The following GIGYF2 variants were observed in gnomAD, a reference collection of about 807,000 sequenced individuals.
GIGYF2 encodes GRB10 interacting GYF protein 2.
A neutral mutation model predicts 208.1 loss-of-function variants in GIGYF2; 25 were observed. The observed-to-expected ratio is 0.12, with a 90% CI of 0.09 to 0.17. GIGYF2 has a LOEUF of 0.17. GIGYF2 is among the 10% of genes least tolerant of loss of function. GIGYF2 has a pLI of 1.00. For synonymous variants in GIGYF2, 534 were observed against 543.8 expected (o/e 0.98, Z 0.25); for missense variants, 1,302 against 1,579.4 (o/e 0.82, Z 2.98).
chr2:232,860,498 A>C lies in GIGYF2; in HGVS notation c.*3638A>C, dbSNP rs1392906479. 6.6e-6 allele frequency: 1 copy of C among 151,424 alleles called. No homozygotes were observed. The highest frequency in any genetic ancestry group is 1.5e-5 in the Non-Finnish European group (1 of 67,914). 9.4% of individuals were successfully genotyped at this position (151,424 alleles called of 1,614,324 possible). A position where few individuals can be genotyped will look rare whatever the true frequency, so the allele number is the denominator to read the frequency against. ...TATATATATTGCACCCTACTTTAAA[A>C]TTGACTGATAACAAAATTGGTAATT... is the stretch of plus-strand genomic sequence containing the variant. On this transcript the variant is annotated 3_prime_UTR_variant, in exon 29 of 29. Transcript: ENST00000373563.
intron 28 of GIGYF2, among the ~76,000 whole-genome samples, chr2:232,851,141 C>T (rs1004724932): frequency 1.3e-5 from 2 of 152,008 alleles, no homozygotes; most frequent in South Asian, 2.1e-4. Context: ...GGTAACGTAG[C>T]GAGACCATAT....
chr2:232,797,981 CAAAAAAAAAAAAAAAA>C (rs57991158), intron 14 of GIGYF2, among the ~76,000 whole-genome samples: 1 of 102,384 alleles, frequency 9.8e-6, no homozygotes, highest in Non-Finnish European at 2.1e-5. Context: ...ACTGTGCCTC[CAAAAAAAAAAAAAAAA>C]AAAAAAAAAA....
At chr2:232,815,787 CAT>C (rs764786929) in intron 19 of GIGYF2, 50 bp downstream of exon 19, 21 of 934,182 alleles carry the variant, frequency 2.2e-5, no homozygotes, top group Non-Finnish European at 3.4e-5. Context: ...GGCTGCAGGA[CAT>C]AAACATTGCT....
chr2:232,712,728 C>A (rs888014757), intron 2 of GIGYF2, among the ~76,000 whole-genome samples: 1 of 152,026 alleles, frequency 6.6e-6, no homozygotes, highest in African/African-American at 2.4e-5. Context: ...GTTTGGAGGT[C>A]CATAGATTGT....
intron 21 of GIGYF2, among the ~76,000 whole-genome samples, chr2:232,827,352 G>A (rs1166993508): frequency 6.6e-6 from 1 of 152,174 alleles, no homozygotes; most frequent in African/African-American, 2.4e-5. Context: ...TGAACCTGCA[G>A]TATCTTTGAG....
intron 8 of GIGYF2, among the ~76,000 whole-genome samples, chr2:232,784,624 G>A (rs536015411): frequency 8.5e-4 from 129 of 151,812 alleles, no homozygotes; most frequent in Non-Finnish European, 1.4e-3. Flanking sequence ...TGATCTGCCC[G>A]CCTTAGCCTC....
intron 14 of GIGYF2, among the ~76,000 whole-genome samples, chr2:232,796,977 C>T (rs1700240603): frequency 6.6e-6 from 1 of 152,042 alleles, no homozygotes; most frequent in South Asian, 2.1e-4. Flanking sequence ...TCAGCTCTGG[C>T]ATCTCAGTTG....
intron 14 of GIGYF2, among the ~76,000 whole-genome samples, chr2:232,798,307 C>T (rs1559440380): frequency 6.6e-6 from 1 of 152,192 alleles, no homozygotes; most frequent in South Asian, 2.1e-4. Context: ...TAACCATTCA[C>T]CCATTGAAGG....
rs529373932 is a variant in GIGYF2, at chr2:232,811,420, A to G, written c.2006+69A>G. ...GTGAAAGAAAGAGAAGAAAGGAGAA[A>G]TTCTGGTATAGTGTGTGATTTCTGG... On this transcript the variant is annotated intron_variant, in intron 17 of 28. Transcript: ENST00000373563. 2.0e-4 allele frequency: 184 copies of G among 926,662 alleles called. 4 individuals are homozygous for G. The Middle Eastern group carries it at 3.1e-3, about 16-fold the overall frequency. 57.4% of individuals were successfully genotyped at this position (926,662 alleles called of 1,614,324 possible). A position where few individuals can be genotyped will look rare whatever the true frequency, so the allele number is the denominator to read the frequency against.
intron 2 of GIGYF2, among the ~76,000 whole-genome samples, chr2:232,709,185 A>G (rs759800612): frequency 6.6e-6 from 1 of 152,184 alleles, no homozygotes; most frequent in Non-Finnish European, 1.5e-5. Flanking sequence ...TTGGAGCCTA[A>G]CTATCCTTAT....
Position 232,844,360 on chromosome 2 carries a change from C to T in GIGYF2, c.3100-9C>T, listed in dbSNP as rs750452746. On this transcript the variant is annotated splice_polypyrimidine_tract_variant and intron_variant, in intron 24 of 28. Transcript: ENST00000373563. Reference sequence around the variant, plus strand: ...TCACGATAATCATTTTTCTCTTTTTCTTTAACAGCATTCCAACCTGCACAC... The same window carrying T: ...TCACGATAATCATTTTTCTCTTTTTTTTTAACAGCATTCCAACCTGCACAC... 1 of 1,613,134 alleles carries T rather than the reference C, an allele frequency of 6.2e-7. No homozygotes were observed. The highest frequency in any genetic ancestry group is 1.3e-5 in the African/African-American group (1 of 75,004).
chr2:232,720,068 A>C (rs1220589551), intron 2 of GIGYF2, among the ~76,000 whole-genome samples: 1 of 152,156 alleles, frequency 6.6e-6, no homozygotes. Context: ...TACATTAGGT[A>C]TTTCTCCTAA....
intron 14 of GIGYF2, among the ~76,000 whole-genome samples, chr2:232,804,072 G>A (rs1700478735): frequency 6.6e-6 from 1 of 151,302 alleles, no homozygotes. Context: ...AAATTGGGTA[G>A]ACTGATTCTT....
intron 26 of GIGYF2, among the ~76,000 whole-genome samples, chr2:232,846,665 C>T (rs1206676359): frequency 1.3e-5 from 1 of 79,792 alleles, no homozygotes; most frequent in Non-Finnish European, 2.6e-5. Flanking sequence ...GCATTAAGCA[C>T]CTACCATGTG....
intron 23 of GIGYF2, among the ~76,000 whole-genome samples, chr2:232,840,271 G>A (rs1159958364): frequency 6.6e-6 from 1 of 152,216 alleles, no homozygotes. Context: ...GGTGAGTTGT[G>A]TGCAGATAAT....
At chr2:232,747,492 T>C (rs1487137156) in intron 3 of GIGYF2, 123 bp from the exon 4 acceptor site, 2 of 1,033,886 alleles carry the variant, frequency 1.9e-6, no homozygotes, top group African/African-American at 1.6e-5. Context: ...TCTGATACTT[T>C]GAGATAGTAG....
chr2:232,764,090 G>A lies in GIGYF2; in HGVS notation c.532+2654G>A, dbSNP rs144271507. On this transcript the variant is annotated intron_variant, in intron 8 of 28. Transcript: ENST00000373563. Reference sequence around the variant, plus strand: ...ATTTTCAAATCATTCAATATTGTGAGGGATATCTATGGAGTGGAACAGTTA... The same window carrying A: ...ATTTTCAAATCATTCAATATTGTGAAGGATATCTATGGAGTGGAACAGTTA... Among the ~76,000 whole-genome samples the A allele has an allele frequency of 1.5e-4, 23 of 152,272 alleles. 1 individual carries two copies. The highest frequency in any genetic ancestry group is 5.5e-4 in the African/African-American group (23 of 41,538).
chr2:232,812,628 A>G (rs1166588601), intron 18 of GIGYF2, 137 bp downstream of exon 18: 2 of 634,138 alleles, frequency 3.2e-6, no homozygotes, highest in South Asian at 1.7e-5. Flanking sequence ...TCCATTTTTT[A>G]CTAGATCCAA....
chr2:232,833,099 G>A lies in GIGYF2; in HGVS notation c.2766+6G>A. On this transcript the variant is annotated splice_donor_region_variant and intron_variant, in intron 22 of 28. Coordinates refer to ENST00000373563, the MANE Select transcript of GIGYF2 (RefSeq NM_001103146.3). ...AACAGCTGGCGCAGATGAAGGTAAA[G>A]CCCGAGGCATCAACCTTAGGAGCTC... The A allele has an allele frequency of 1.3e-6, 2 of 1,545,826 alleles. No homozygotes were observed. The highest frequency in any genetic ancestry group is 1.8e-6 in the Non-Finnish European group (2 of 1,141,796).
Sources: allele counts gnomAD v4.1 joint callset (sites outside exome capture counted in the v4.1 genomes callset), GRCh38; gene constraint gnomAD v4.1.1; transcripts MANE v1.5; gene names NCBI Gene and HGNC (gene_info 2026-07-23, HGNC 2026-07-21).